Variants in C5 observed in about 807,000 individuals in gnomAD.
C5 encodes complement C5.
In C5, 140 loss-of-function variants were observed where a neutral mutation model predicts 218.8. That is an observed-to-expected ratio of 0.64 (90% CI 0.56 to 0.74). C5 has a LOEUF of 0.74. Ranked by LOEUF, C5 falls within the 30% of genes least tolerant of loss-of-function variation. The pLI is 0.00. For synonymous variants in C5, 614 were observed against 682.3 expected, an observed-to-expected ratio of 0.90 and a Z score of 1.56; for missense variants, 1,700 against 1,969.6, an observed-to-expected ratio of 0.86 and a Z score of 2.59.
At chr9:120,958,506 T>C (rs994100407) in intron 38 of C5, among the ~76,000 whole-genome samples, 1 of 151,858 alleles carries the variant, frequency 6.6e-6, no homozygotes, top group African/African-American at 2.4e-5. Context: ...TATAGTATTC[T>C]CAAGTCTTCA....
chr9:121,033,095 T>C (rs1190200530), intron 5 of C5, among the ~76,000 whole-genome samples: 1 of 152,090 alleles, frequency 6.6e-6, no homozygotes, highest in Non-Finnish European at 1.5e-5. Flanking sequence ...CACACATATA[T>C]ATACTGAGCC....
At chr9:120,989,007 A>G (rs770140685) in intron 25 of C5, 39 bp downstream of exon 25, 2 of 1,395,228 alleles carry the variant, frequency 1.4e-6, no homozygotes, top group East Asian at 4.6e-5. Flanking sequence ...TAGTTAATTA[A>G]CCACTATATG....
intron 40 of C5, among the ~76,000 whole-genome samples, chr9:120,953,507 C>T (rs1429082806): frequency 6.6e-6 from 1 of 152,188 alleles, no homozygotes; most frequent in African/African-American, 2.4e-5. Flanking sequence ...TGAGTACTTT[C>T]AGATTCATCA....
intron 18 of C5, among the ~76,000 whole-genome samples, chr9:121,007,244 CACAA>C (rs150282890): frequency 5.1e-4 from 77 of 152,242 alleles, no homozygotes; most frequent in Non-Finnish European, 9.3e-4. Flanking sequence ...AATCCAAGCA[CACAA>C]ACAAAGAAAA....
intron 15 of C5, among the ~76,000 whole-genome samples, chr9:121,016,050 C>T (rs141688701): frequency 3.8e-4 from 58 of 152,132 alleles, no homozygotes; most frequent in Admixed American, 1.7e-3. Context: ...AGAGCCAGGG[C>T]GAAGATCATG....
intron 15 of C5, among the ~76,000 whole-genome samples, chr9:121,015,946 G>A (rs558607053): frequency 6.6e-6 from 1 of 152,176 alleles, no homozygotes; most frequent in East Asian, 1.9e-4. Flanking sequence ...AAGGCCCAAA[G>A]GTGCAAAATA....
intron 12 of C5, among the ~76,000 whole-genome samples, chr9:121,018,645 G>GAAA (rs1327981258): frequency 4.2e-4 from 10 of 23,950 alleles, no homozygotes; most frequent in Admixed American, 5.1e-4. Context: ...GAGGGAGGGA[G>GAAA]GGAAAGAAAG....
rs1459533689 is a variant in C5 at position 120,976,760 on chromosome 9, G to T, written c.3804C>A (p.Asn1268Lys). The change falls in exon 29 of 41, where the codon AAC becomes AAA. Residue 1268 changes from asparagine to lysine, a missense_variant. Coordinates refer to ENST00000223642, the MANE Select transcript of C5 (RefSeq NM_001735.3). The stretch of plus-strand genomic sequence containing the variant: ...CTTCTGATAGCCATTTGATGACTGG[G>T]TTAACATAATTTATATCTTTCAAGT... ...SLNLKDINYV[N>K]PVIKWLSEEQ... 2 of 1,614,124 alleles carry T rather than the reference G, an allele frequency of 1.2e-6. No individual in the cohort carries two copies. Among genetic ancestry groups the T allele is most frequent in the Non-Finnish European group, 1.7e-6 (2 of 1,180,018 alleles).
At position 121,013,869 on chromosome 9, in the gene C5, T is replaced by A; in HGVS notation, c.2257+4A>T. On this transcript the variant is annotated splice_donor_region_variant and intron_variant, in intron 17 of 40. Coordinates refer to ENST00000223642, the MANE Select transcript of C5 (RefSeq NM_001735.3). ...AGAATTCTGATAGAAAATGTCATAC[T>A]TACGTAGCCTTCCCAATTGCATGTC... 6.2e-7 allele frequency: 1 copy of A among 1,612,986 alleles called. No individual in the cohort carries two copies. Among genetic ancestry groups the A allele is most frequent in the Non-Finnish European group, 8.5e-7 (1 of 1,179,024 alleles).
At chr9:121,069,009 TCAA>T in the C5 span, among the ~76,000 whole-genome samples, 1 of 152,044 alleles carries the variant, frequency 6.6e-6, no homozygotes, top group Non-Finnish European at 1.5e-5. Context: ...TCAAAATGGA[TCAA>T]AGACCTAAAT....
At chr9:121,040,946 T>C (rs2047572836) in intron 3 of C5, among the ~76,000 whole-genome samples, 1 of 137,942 alleles carries the variant, frequency 7.2e-6, no homozygotes, top group Non-Finnish European at 1.5e-5. Context: ...TCTTCTTTTT[T>C]TTTCTCTTTT....
rs1024473220 is a variant in C5, at chr9:121,045,240, T to C, written c.258+951A>G. Among the ~76,000 whole-genome samples, 24 of 152,186 alleles carry C rather than the reference T, an allele frequency of 1.6e-4. 1 individual carries two copies. Among genetic ancestry groups the C allele is most frequent in the African/African-American group, 4.6e-4 (19 of 41,472 alleles). On this transcript the variant is annotated intron_variant, in intron 2 of 40. Coordinates refer to ENST00000223642, the MANE Select transcript of C5 (RefSeq NM_001735.3). ...TTTGACTAGAAATTTTTTAGATTAG[T>C]GTTTCTTAAACTTGAGTAATATGCA...
intron 7 of C5, among the ~76,000 whole-genome samples, chr9:121,029,327 A>T (rs1378761019): frequency 6.6e-6 from 1 of 152,164 alleles, no homozygotes; most frequent in Non-Finnish European, 1.5e-5. Flanking sequence ...AGCATAGGGT[A>T]ATGTTTGAGG....
intron 30 of C5, among the ~76,000 whole-genome samples, chr9:120,972,917 T>TA (rs2046925473): frequency 6.6e-6 from 1 of 152,200 alleles, no homozygotes; most frequent in South Asian, 2.1e-4. Context: ...TGTCTTGAGA[T>TA]ACTGCATGTG....
the C5 span, among the ~76,000 whole-genome samples, chr9:121,056,708 A>G: frequency 6.6e-6 from 1 of 152,140 alleles, no homozygotes; most frequent in Non-Finnish European, 1.5e-5. Context: ...AAAAGAATGA[A>G]GCATGCCTAC....
At chr9:121,029,382 T>C (rs562048024) in intron 7 of C5, among the ~76,000 whole-genome samples, 1 of 152,358 alleles carries the variant, frequency 6.6e-6, no homozygotes, top group African/African-American at 2.4e-5. Context: ...ACTAGCTGTA[T>C]GATTTTGAGC....
rs2046917599 is a variant in C5 at position 120,971,957 on chromosome 9, T to C, written c.4053A>G (p.Gly1351=). The part of the protein sequence containing the change: ...LLNDDLIVST[G]FGSGLATVHV... ...GTACTGTAGCCAAGCCACTGCCAAA[T>C]CCTGTACTGACAATGAGGTCATCAT... The change falls in exon 31 of 41, where the codon GGA becomes GGG. Residue 1351 remains glycine, a synonymous_variant. Transcript: ENST00000223642. 1 of 1,613,382 alleles carries C rather than the reference T, an allele frequency of 6.2e-7. No homozygotes were observed. Among genetic ancestry groups the C allele is most frequent in the East Asian group, 2.2e-5 (1 of 44,882 alleles).
the C5 span, among the ~76,000 whole-genome samples, chr9:121,066,871 A>AC: frequency 6.6e-4 from 100 of 151,380 alleles, no homozygotes; most frequent in East Asian, 1.2e-3. Context: ...AGAAAAAAAA[A>AC]AAAAACAAAA....
chr9:121,067,082 G>A, the C5 span, among the ~76,000 whole-genome samples: 1 of 151,904 alleles, frequency 6.6e-6, no homozygotes, highest in African/African-American at 2.4e-5. Context: ...CCTGGGCAAT[G>A]CTGCAAGACC....
Sources: allele counts gnomAD v4.1 joint callset (sites outside exome capture counted in the v4.1 genomes callset), GRCh38; gene constraint gnomAD v4.1.1; transcripts MANE v1.5; gene names NCBI Gene and HGNC (gene_info 2026-07-23, HGNC 2026-07-21).